ADAMTSL1: variants seen among roughly 807,000 people sequenced by gnomAD.
ADAMTSL1 encodes the protein ADAMTS like 1.
In ADAMTSL1, 126 loss-of-function variants were observed where a neutral mutation model predicts 201.8. The observed-to-expected ratio is 0.62, with a 90% CI of 0.54 to 0.72. The LOEUF (loss-of-function observed/expected upper bound fraction) is 0.72, where lower values mean the gene tolerates loss of function less well. ADAMTSL1 is among the 30% of genes least tolerant of loss of function. The pLI, the probability that ADAMTSL1 is intolerant of heterozygous loss-of-function variation, is 0.00. For missense variants in ADAMTSL1, 2,679 were observed against 2,277.8 expected (o/e 1.18, Z -3.59); for synonymous variants, 1,121 against 903.4 (o/e 1.24, Z -4.32).
intron 1 of ADAMTSL1, among the ~76,000 whole-genome samples, chr9:18,063,627 G>C (rs1167012201): frequency 6.6e-6 from 1 of 152,166 alleles, no homozygotes; most frequent in Admixed American, 6.5e-5. Flanking sequence ...TCAGAATGGC[G>C]GGCAGCCCAT....
chr9:18,441,225 A>T (rs113666696), intron 2 of ADAMTSL1, among the ~76,000 whole-genome samples: 152 of 152,294 alleles, frequency 1.0e-3, no homozygotes, highest in African/African-American at 3.5e-3. Context: ...ATTAGTAATG[A>T]TGGTTGTACA....
chr9:18,892,522 G>A lies in ADAMTSL1; in HGVS notation c.4777G>A (p.Ala1593Thr), dbSNP rs201612919. Residue 1593 changes from alanine (A) to threonine (T), a missense_variant, in exon 26 of 29, where the codon GCC becomes ACC. Ala to Thr is a moderately conservative substitution (Grantham distance 58, BLOSUM62 0). Transcript: ENST00000380548. The part of the protein sequence containing the change: ...PVSNDMCTQV[A>T]KRPVDTQACN... ...GTCCAATGACATGTGCACCCAGGTC[G>A]CCAAGCGGCCTGTGGACACCCAGGC... 1.1e-4 allele frequency: 177 copies of A among 1,594,256 alleles called. No individual in the cohort carries two copies. Among genetic ancestry groups the A allele is most frequent in the African/African-American group, 1.1e-3 (82 of 74,638 alleles).
At chr9:18,187,668 C>A (rs1346385018) in intron 2 of ADAMTSL1, among the ~76,000 whole-genome samples, 1 of 151,984 alleles carries the variant, frequency 6.6e-6, no homozygotes, top group South Asian at 2.1e-4. Context: ...TTTGGACTTT[C>A]TTCCCTGTAA....
At chr9:17,953,967 T>C (rs371969510) in intron 1 of ADAMTSL1, among the ~76,000 whole-genome samples, 184 of 152,140 alleles carry the variant, frequency 1.2e-3, no homozygotes, top group African/African-American at 4.2e-3. Context: ...GTTGGTTGGG[T>C]TCCTTAATTT....
At chr9:18,845,391 G>T (rs1826040214) in intron 23 of ADAMTSL1, among the ~76,000 whole-genome samples, 1 of 152,254 alleles carries the variant, frequency 6.6e-6, no homozygotes, top group Non-Finnish European at 1.5e-5. Context: ...TTCCATGAAA[G>T]AATTCATTGT....
chr9:18,179,940 A>G (rs1828377854), intron 2 of ADAMTSL1, among the ~76,000 whole-genome samples: 1 of 152,232 alleles, frequency 6.6e-6, no homozygotes, highest in Admixed American at 6.5e-5. Context: ...TGTAAAGACC[A>G]TCGAGACTAG....
intron 1 of ADAMTSL1, among the ~76,000 whole-genome samples, chr9:18,111,148 A>G (rs1291625097): frequency 1.3e-5 from 2 of 152,188 alleles, no homozygotes; most frequent in African/African-American, 2.4e-5. Context: ...ATGAGATTGA[A>G]GAATTTTCTC....
chr9:18,169,482 T>A (rs1280042095), intron 2 of ADAMTSL1, among the ~76,000 whole-genome samples: 2 of 152,138 alleles, frequency 1.3e-5, no homozygotes, highest in African/African-American at 4.8e-5. Flanking sequence ...TCCATTGATC[T>A]ATATCTCTGT....
intron 5 of ADAMTSL1, among the ~76,000 whole-genome samples, chr9:18,630,897 T>G (rs1453907613): frequency 6.6e-6 from 1 of 152,076 alleles, no homozygotes; most frequent in East Asian, 1.9e-4. Flanking sequence ...CCCTACAACC[T>G]CCACAGCCAT....
At chr9:18,237,747 C>T (rs566660094) in intron 2 of ADAMTSL1, among the ~76,000 whole-genome samples, 24 of 152,326 alleles carry the variant, frequency 1.6e-4, no homozygotes, top group African/African-American at 5.3e-4. Flanking sequence ...ATTAAATTAT[C>T]CCATCCCATT....
chr9:18,576,385 C>CT (rs977568978), intron 4 of ADAMTSL1, among the ~76,000 whole-genome samples: 13 of 152,144 alleles, frequency 8.5e-5, no homozygotes, highest in African/African-American at 3.1e-4. Context: ...GCAGACAGGA[C>CT]TGTGGTAAAC....
chr9:18,881,132 C>T (rs771532185), intron 23 of ADAMTSL1, among the ~76,000 whole-genome samples: 2 of 152,164 alleles, frequency 1.3e-5, no homozygotes, highest in Non-Finnish European at 2.9e-5. Flanking sequence ...CTAACCAGAC[C>T]ACTAAAACTT....
intron 2 of ADAMTSL1, among the ~76,000 whole-genome samples, chr9:18,193,255 A>G (rs190473358): frequency 3.9e-5 from 6 of 152,206 alleles, no homozygotes; most frequent in African/African-American, 1.4e-4. Context: ...TTTTGAAAAG[A>G]TGACCCTGGG....
chr9:18,208,488 C>A (rs1349977376), intron 2 of ADAMTSL1, among the ~76,000 whole-genome samples: 1 of 152,118 alleles, frequency 6.6e-6, no homozygotes, highest in African/African-American at 2.4e-5. Context: ...TCTGGGTCCT[C>A]AGGGCAAATG....
At chr9:18,432,130 G>T (rs962627908) in intron 2 of ADAMTSL1, among the ~76,000 whole-genome samples, 3 of 152,072 alleles carry the variant, frequency 2.0e-5, no homozygotes, top group Non-Finnish European at 4.4e-5. Context: ...TGGTTGAAAA[G>T]AATTTTTTTT....
rs746763786 is a variant in ADAMTSL1 at position 18,684,671 on chromosome 9, T to G, written c.1490-45T>G. The stretch of plus-strand genomic sequence containing the variant: ...AAGGAATTTTCCTAAAATCCCAGAT[T>G]GGTTCTAACCTCTTCTTTTGTATGT... On this transcript the variant is annotated intron_variant, in intron 12 of 28. Coordinates refer to ENST00000380548, the MANE Select transcript of ADAMTSL1 (RefSeq NM_001040272.6). 3.2e-6 allele frequency: 5 copies of G among 1,570,224 alleles called. No individual in the cohort carries two copies. In the African/African-American group the frequency reaches 5.4e-5, roughly 17 times the overall value.
intron 2 of ADAMTSL1, among the ~76,000 whole-genome samples, chr9:18,319,301 T>G (rs1028130092): frequency 2.0e-5 from 3 of 152,194 alleles, no homozygotes; most frequent in Admixed American, 1.3e-4. Flanking sequence ...TCCTAAATCA[T>G]GTGGAAATGT....
Position 18,760,750 on chromosome 9 carries a change from G to A in ADAMTSL1, c.2217+7242G>A, listed in dbSNP as rs933373649. 2.6e-5 allele frequency among the ~76,000 whole-genome samples: 4 copies of A among 152,170 alleles called. No homozygotes were observed. The South Asian group carries it at 6.2e-4, about 24-fold the overall frequency. ...TCTTCATGGACCCAAATGGTGCACCGTCTAAGGACTGCTCTGAGTCATCAG... is the reference window on the plus strand; with the variant it reads ...TCTTCATGGACCCAAATGGTGCACCATCTAAGGACTGCTCTGAGTCATCAG... On this transcript the variant is annotated intron_variant, in intron 16 of 28. Coordinates refer to ENST00000380548, the MANE Select transcript of ADAMTSL1 (RefSeq NM_001040272.6).
In ADAMTSL1 at chr9:18,431,304, G is replaced by C. The variant is rs140364480; in HGVS notation, c.208-73525G>C. Among the ~76,000 whole-genome samples, 1,089 of 152,318 alleles carry C rather than the reference G, an allele frequency of 7.1e-3. 13 individuals carry two copies. Among genetic ancestry groups the C allele is most frequent in the Middle Eastern group, 0.02 (6 of 294 alleles). On this transcript the variant is annotated intron_variant, in intron 2 of 29. Transcript: ENST00000680146. ...GCTTAGGATGACTTTCAAGAGTCTGGCACTGTCAGAGGCAAATCCCATAAA... is the reference window on the plus strand; with the variant it reads ...GCTTAGGATGACTTTCAAGAGTCTGCCACTGTCAGAGGCAAATCCCATAAA...
Sources: allele counts gnomAD v4.1 joint callset (sites outside exome capture counted in the v4.1 genomes callset), GRCh38; gene constraint gnomAD v4.1.1; transcripts MANE v1.5; gene names NCBI Gene and HGNC (gene_info 2026-07-23, HGNC 2026-07-21).